Variants in FRMD5 observed in about 807,000 individuals in gnomAD.
FRMD5 encodes FERM domain-containing protein 5.
A neutral mutation model predicts 69.0 loss-of-function variants in FRMD5; 20 were observed. That is an observed-to-expected ratio of 0.29 (90% confidence interval 0.20 to 0.42). The LOEUF is 0.42. Ranked by LOEUF, FRMD5 falls within the 10% of genes least tolerant of loss-of-function variation. The pLI is 1.00. For missense variants in FRMD5, 595 were observed against 708.6 expected (o/e 0.84, Z 1.82); for synonymous variants, 271 against 260.1 (o/e 1.04, Z -0.40).
chr15:43,932,139 C>A (rs951638989), intron 1 of FRMD5, among the ~76,000 whole-genome samples: 1 of 152,192 alleles, frequency 6.6e-6, no homozygotes, highest in African/African-American at 2.4e-5. Flanking sequence ...AGTTTTCGTG[C>A]CAACTTCCTC....
intron 7 of FRMD5, among the ~76,000 whole-genome samples, chr15:43,899,867 C>A (rs2089002053): frequency 6.6e-6 from 1 of 152,206 alleles, no homozygotes; most frequent in African/African-American, 2.4e-5. Context: ...ACCAGGCTGG[C>A]TGCCACTACA....
At chr15:44,117,317 T>G (rs556228742) in intron 1 of FRMD5, among the ~76,000 whole-genome samples, 2 of 152,158 alleles carry the variant, frequency 1.3e-5, no homozygotes, top group East Asian at 1.9e-4. Context: ...AAGAAAATAT[T>G]CCTGCTTGCT....
At chr15:43,936,824 C>G (rs971218075) in intron 1 of FRMD5, among the ~76,000 whole-genome samples, 1 of 151,648 alleles carries the variant, frequency 6.6e-6, no homozygotes, top group South Asian at 2.1e-4. Flanking sequence ...CAGAAAGATG[C>G]CGACAGTACA....
rs190666217 is a variant in FRMD5, at chr15:43,908,590, C to G, written c.427+1292G>C. On this transcript the variant is annotated intron_variant, in intron 5 of 13. Transcript: ENST00000417257. Reference sequence around the variant, plus strand: ...AAGAGTTCAAATTCTTTTGGGGAAACTTCATGATTTTAGTGCTGTCGTCCA... The same window carrying G: ...AAGAGTTCAAATTCTTTTGGGGAAAGTTCATGATTTTAGTGCTGTCGTCCA... Among the ~76,000 whole-genome samples, 114 of 152,230 alleles carry G rather than the reference C, an allele frequency of 7.5e-4. 2 individuals carry two copies. Among genetic ancestry groups the G allele is most frequent in the African/African-American group, 2.6e-3 (110 of 41,526 alleles).
At chr15:43,939,213 T>C (rs1372053228) in intron 1 of FRMD5, among the ~76,000 whole-genome samples, 2 of 152,120 alleles carry the variant, frequency 1.3e-5, no homozygotes, top group Non-Finnish European at 2.9e-5. Flanking sequence ...TGAATTTCTA[T>C]ATCCTGGAGA....
At chr15:43,959,872 A>C (rs983806624) in intron 1 of FRMD5, among the ~76,000 whole-genome samples, 1 of 152,152 alleles carries the variant, frequency 6.6e-6, no homozygotes, top group Non-Finnish European at 1.5e-5. Flanking sequence ...CTGAAAGGGC[A>C]AGTTATTTGC....
chr15:44,044,349 G>T (rs1892338348), intron 1 of FRMD5, among the ~76,000 whole-genome samples: 1 of 152,170 alleles, frequency 6.6e-6, no homozygotes, highest in African/African-American at 2.4e-5. Context: ...CAACCATTGT[G>T]GAAGACAGTG....
chr15:43,902,689 C>CA (rs5812254), intron 6 of FRMD5, among the ~76,000 whole-genome samples: 50,402 of 112,620 alleles, frequency 0.45, 10,205 homozygotes, highest in African/African-American at 0.6. Flanking sequence ...GACCCTGTCT[C>CA]AAAAAAAAAA....
intron 1 of FRMD5, among the ~76,000 whole-genome samples, chr15:43,999,112 G>C (rs1890067499): frequency 6.6e-6 from 1 of 152,038 alleles, no homozygotes; most frequent in Non-Finnish European, 1.5e-5. Context: ...CTATTGCCCA[G>C]GCTGGAGTGT....
chr15:43,973,108 T>C (rs1382854204), intron 1 of FRMD5, among the ~76,000 whole-genome samples: 4 of 152,012 alleles, frequency 2.6e-5, no homozygotes, highest in South Asian at 2.1e-4. Context: ...CTGCAAGCAC[T>C]GCCTCCCGGG....
intron 1 of FRMD5, among the ~76,000 whole-genome samples, chr15:44,187,313 A>T (rs1262947890): frequency 6.6e-6 from 1 of 152,218 alleles, no homozygotes; most frequent in African/African-American, 2.4e-5. Flanking sequence ...ATTTAATTCA[A>T]CACTAGCTTT....
At chr15:43,966,637 G>C (rs2090299693) in intron 1 of FRMD5, among the ~76,000 whole-genome samples, 1 of 152,144 alleles carries the variant, frequency 6.6e-6, no homozygotes, top group African/African-American at 2.4e-5. Flanking sequence ...AGGGAGAAAA[G>C]TAGTACTGGA....
At chr15:44,169,139 T>C (rs2140523030) in intron 1 of FRMD5, among the ~76,000 whole-genome samples, 1 of 152,320 alleles carries the variant, frequency 6.6e-6, no homozygotes, top group Middle Eastern at 3.4e-3. Flanking sequence ...GCTTCTGTAT[T>C]ATACTCAGAT....
chr15:43,985,135 GC>G (rs1371202581), intron 1 of FRMD5, among the ~76,000 whole-genome samples: 1 of 151,694 alleles, frequency 6.6e-6, no homozygotes, highest in Non-Finnish European at 1.5e-5. Flanking sequence ...AAAAAAATTA[GC>G]CTGGTGTGGT....
chr15:43,947,813 T>TA (rs956866077), intron 1 of FRMD5, among the ~76,000 whole-genome samples: 33 of 152,330 alleles, frequency 2.2e-4, no homozygotes, highest in Admixed American at 1.2e-3. Flanking sequence ...GATTAACTGA[T>TA]AACTCAAACC....
At chr15:44,098,115 C>CA (rs749591300) in intron 1 of FRMD5, among the ~76,000 whole-genome samples, 32 of 15,724 alleles carry the variant, frequency 2.0e-3, no homozygotes, top group African/African-American at 2.9e-3. Flanking sequence ...AGTGACAAAA[C>CA]AAAAAAAAAA....
At chr15:44,180,064 AAAAAAAAAGGC>A (rs1219572474) in intron 1 of FRMD5, among the ~76,000 whole-genome samples, 1 of 147,874 alleles carries the variant, frequency 6.8e-6, no homozygotes, top group African/African-American at 2.7e-5. Flanking sequence ...AAAAAAAAAA[AAAAAAAAAGGC>A]AAAAAAGGCA....
intron 13 of FRMD5, among the ~76,000 whole-genome samples, chr15:43,876,876 G>A (rs898151975): frequency 5.9e-5 from 9 of 152,246 alleles, no homozygotes; most frequent in South Asian, 2.1e-4. Context: ...ATCTTGTTGC[G>A]GGGGTGGATT....
intron 1 of FRMD5, among the ~76,000 whole-genome samples, chr15:44,139,101 G>T (rs1406767151): frequency 4.6e-5 from 7 of 151,920 alleles, no homozygotes; most frequent in Admixed American, 2.0e-4. Context: ...ACTTTAAATG[G>T]GTGAATCGTA....
Sources: gnomAD v4.1 joint callset for allele counts (sites outside exome capture counted in the v4.1 genomes callset) on GRCh38, gnomAD v4.1.1 for gene constraint, MANE v1.5 for transcripts, NCBI Gene and HGNC (gene_info 2026-07-23, HGNC 2026-07-21) for gene names.